The following RANBP17 variants were observed in gnomAD, a reference collection of about 807,000 sequenced individuals.
The protein encoded by RANBP17 is ran-binding protein 17.
RANBP17 carries 158 observed loss-of-function variants against 141.2 expected under a neutral mutation model. The ratio of observed to expected loss-of-function variants is 1.12; its 90% CI spans 0.98 to 1.28. The LOEUF is 1.28. Among genes scored for constraint, RANBP17 ranks in the 50% most tolerant of loss-of-function variants. RANBP17 has a pLI of 0.00. For synonymous variants in RANBP17, 430 were observed against 450.0 expected (o/e 0.96, Z 0.56); for missense variants, 1,438 against 1,290.7 (o/e 1.11, Z -1.75).
intron 12 of RANBP17, among the ~76,000 whole-genome samples, chr5:170,943,898 A>C (rs553423347): frequency 3.9e-5 from 6 of 152,278 alleles, no homozygotes; most frequent in Admixed American, 3.9e-4. Flanking sequence ...CTTAAAATCT[A>C]ATCTTTTAGC....
intron 14 of RANBP17, among the ~76,000 whole-genome samples, chr5:171,003,037 A>G (rs190045340): frequency 1.3e-5 from 2 of 152,256 alleles, no homozygotes; most frequent in East Asian, 3.9e-4. Flanking sequence ...AACTGTAGAG[A>G]GTGAGTTGAG....
chr5:170,964,439 C>G (rs935963725), intron 13 of RANBP17, among the ~76,000 whole-genome samples: 15 of 151,928 alleles, frequency 9.9e-5, no homozygotes, highest in African/African-American at 3.6e-4. Flanking sequence ...GGTACATGTG[C>G]ACAATGTGCA....
chr5:171,089,212 C>A (rs1252698203), intron 14 of RANBP17, among the ~76,000 whole-genome samples: 36 of 130,986 alleles, frequency 2.7e-4, no homozygotes, highest in Non-Finnish European at 5.3e-4. Flanking sequence ...GTTGGAATAC[C>A]CTGCAGTGTG....
intron 24 of RANBP17, among the ~76,000 whole-genome samples, chr5:171,257,206 T>G (rs533064381): frequency 6.6e-6 from 1 of 152,362 alleles, no homozygotes; most frequent in South Asian, 2.1e-4. Context: ...CGAAAGATAG[T>G]ACACGATGAT....
intron 14 of RANBP17, among the ~76,000 whole-genome samples, chr5:171,145,524 C>T (rs1581729932): frequency 6.6e-6 from 1 of 152,124 alleles, no homozygotes; most frequent in Admixed American, 6.5e-5. Context: ...TTCCTCTGCT[C>T]CCTGGTCCTC....
chr5:171,188,316 A>C (rs1049060394), intron 18 of RANBP17, among the ~76,000 whole-genome samples: 3 of 152,226 alleles, frequency 2.0e-5, no homozygotes, highest in Admixed American at 6.5e-5. Context: ...AGCTTTTCGT[A>C]CTGCATCCTG....
At chr5:170,914,917 A>G (rs1189205547) in intron 8 of RANBP17, among the ~76,000 whole-genome samples, 1 of 152,208 alleles carries the variant, frequency 6.6e-6, no homozygotes, top group Non-Finnish European at 1.5e-5. Context: ...TCTGAAAAAC[A>G]TATTGCATAT....
intron 14 of RANBP17, among the ~76,000 whole-genome samples, chr5:170,993,370 A>T (rs1778629283): frequency 6.6e-6 from 1 of 152,076 alleles, no homozygotes. Flanking sequence ...TTTTACATGT[A>T]TTATATTGCT....
At chr5:171,158,375 G>A in intron 14 of RANBP17, 1 of 189,954 alleles carries the variant, frequency 5.3e-6, no homozygotes, top group Middle Eastern at 1.9e-3. Context: ...TTGCTTTACT[G>A]AATAGATGTG....
At chr5:170,883,363 A>G (rs964832499) in intron 3 of RANBP17, among the ~76,000 whole-genome samples, 4 of 152,232 alleles carry the variant, frequency 2.6e-5, no homozygotes, top group African/African-American at 9.7e-5. Flanking sequence ...CTTCTGCCAC[A>G]CACGCACAGC....
intron 5 of RANBP17, among the ~76,000 whole-genome samples, chr5:170,902,768 C>T (rs1374018094): frequency 6.6e-6 from 1 of 152,184 alleles, no homozygotes; most frequent in Non-Finnish European, 1.5e-5. Context: ...TTCCTTCTAA[C>T]AGTCAGGCCC....
chr5:171,178,018 TG>T (rs201827396), intron 16 of RANBP17, among the ~76,000 whole-genome samples: 103 of 148,364 alleles, frequency 6.9e-4, no homozygotes, highest in African/African-American at 2.5e-3. Context: ...ATTTTTTATG[TG>T]GTTTTTTTTT....
chr5:171,109,921 G>A (rs1466277778), intron 14 of RANBP17, among the ~76,000 whole-genome samples: 1 of 152,040 alleles, frequency 6.6e-6, no homozygotes, highest in Non-Finnish European at 1.5e-5. Context: ...TTAATAACTT[G>A]GGAAACTGTT....
At chr5:171,241,273 C>A in intron 23 of RANBP17, 131 bp downstream of exon 23, 1 of 622,918 alleles carries the variant, frequency 1.6e-6, no homozygotes, top group Non-Finnish European at 2.6e-6. Context: ...CATACTTGAT[C>A]TAACTTACAG....
At chr5:171,059,310 GTCTTGAATCCA>G (rs1783640891) in intron 14 of RANBP17, among the ~76,000 whole-genome samples, 1 of 152,140 alleles carries the variant, frequency 6.6e-6, no homozygotes, top group South Asian at 2.1e-4. Flanking sequence ...TAACATTTAA[GTCTTGAATCCA>G]TCTTGAATTA....
intron 5 of RANBP17, 62 bp from the exon 6 acceptor site, chr5:170,909,596 TTTA>T: frequency 2.0e-6 from 1 of 508,740 alleles, no homozygotes; most frequent in Non-Finnish European, 3.4e-6. Flanking sequence ...TTTTTTTTTT[TTTA>T]GTAAATTTTG....
At chr5:171,232,239 AG>A (rs1026991365) in intron 22 of RANBP17, among the ~76,000 whole-genome samples, 13 of 152,226 alleles carry the variant, frequency 8.5e-5, no homozygotes, top group African/African-American at 3.1e-4. Context: ...TATTCAAAAA[AG>A]GTAGTGAATC....
At chr5:171,250,937 T>G (rs1275304263) in intron 24 of RANBP17, among the ~76,000 whole-genome samples, 8 of 152,146 alleles carry the variant, frequency 5.3e-5, no homozygotes, top group Non-Finnish European at 1.5e-5. Context: ...AGACAGGAAG[T>G]CAACAAAGAC....
At chr5:170,866,773 A>G (rs1253068399) in intron 1 of RANBP17, 1 of 152,120 alleles carries the variant, frequency 6.6e-6, no homozygotes, top group Admixed American at 6.5e-5. Context: ...TAGATTTCCA[A>G]GAGAAAGAAA....
Sources: allele counts gnomAD v4.1 joint callset (sites outside exome capture counted in the v4.1 genomes callset), GRCh38; gene constraint gnomAD v4.1.1; transcripts MANE v1.5; gene names NCBI Gene and HGNC (gene_info 2026-07-23, HGNC 2026-07-21).